Variants in DTD1 observed in about 807,000 individuals in gnomAD.
DTD1 encodes D-tyrosyl-tRNA deacylase 1 homolog.
In DTD1, 13 loss-of-function variants were observed where a neutral mutation model predicts 25.6. The observed-to-expected ratio is 0.51, with a 90% CI of 0.33 to 0.81. The LOEUF (loss-of-function observed/expected upper bound fraction) is 0.81. Ranked by LOEUF, DTD1 falls within the 30% of genes least tolerant of loss-of-function variation. The pLI is 0.02. For synonymous variants in DTD1, 110 were observed against 103.6 expected (o/e 1.06, Z -0.37); for missense variants, 193 against 266.4 (o/e 0.72, Z 1.92).
chr20:18,608,369 A>AT (rs34079729), intron 3 of DTD1, among the ~76,000 whole-genome samples: 49 of 125,548 alleles, frequency 3.9e-4, no homozygotes, highest in South Asian at 1.5e-3. Flanking sequence ...TTTGTGCTCT[A>AT]TTTTTTTTTT....
At chr20:18,615,878 T>G (rs1447359391) in intron 3 of DTD1, among the ~76,000 whole-genome samples, 1 of 152,206 alleles carries the variant, frequency 6.6e-6, no homozygotes, top group Non-Finnish European at 1.5e-5. Context: ...CGCTTCATAA[T>G]GCAAAGAGAA....
rs2061313211 is a variant in DTD1 at position 18,749,343 on chromosome 20, G to A, written c.*19+5072G>A. ...CTGCTCAGCATCGCCGTGGGGTGGG[G>A]AAGGCTCCAGAGGGTGTTCTCTGCC... is the stretch of plus-strand genomic sequence containing the variant. On this transcript the variant is annotated intron_variant, in intron 5 of 5. Coordinates refer to ENST00000377452, the MANE Select transcript of DTD1 (RefSeq NM_080820.6). The surrounding 1 kb of genome is among the most constrained non-coding windows in gnomAD (Gnocchi z 4.2). Among the ~76,000 whole-genome samples, 1 of 152,196 alleles carries A rather than the reference G, an allele frequency of 6.6e-6. No individual in the cohort carries two copies. The highest frequency in any genetic ancestry group is 2.4e-5 in the African/African-American group (1 of 41,462).
chr20:18,654,436 A>G (rs2060884978), intron 4 of DTD1, among the ~76,000 whole-genome samples: 1 of 152,236 alleles, frequency 6.6e-6, no homozygotes, highest in East Asian at 1.9e-4. Flanking sequence ...GTATTTCTTT[A>G]TAGCAGTATG....
intron 3 of DTD1, among the ~76,000 whole-genome samples, chr20:18,608,376 T>G (rs2060671181): frequency 1.5e-5 from 2 of 134,694 alleles, no homozygotes; most frequent in African/African-American, 5.3e-5. Flanking sequence ...TCTATTTTTT[T>G]TTTTTAAAAA....
chr20:18,694,333 T>C (rs2061061426), intron 4 of DTD1, among the ~76,000 whole-genome samples: 1 of 152,200 alleles, frequency 6.6e-6, no homozygotes, highest in African/African-American at 2.4e-5. Flanking sequence ...AAGCATCATA[T>C]TTTACAAATG....
chr20:18,722,942 GA>G (rs1194535829), intron 4 of DTD1, among the ~76,000 whole-genome samples: 1 of 151,906 alleles, frequency 6.6e-6, no homozygotes, highest in African/African-American at 2.4e-5. Context: ...ATAAGAGAGG[GA>G]AAAAAGACAA....
intron 4 of DTD1, among the ~76,000 whole-genome samples, chr20:18,683,217 CCA>C (rs2061004127): frequency 1.3e-5 from 2 of 152,104 alleles, no homozygotes; most frequent in South Asian, 4.1e-4. Flanking sequence ...TCAGGTGGTT[CCA>C]AAGTTGGCCC....
At chr20:18,668,140 A>C (rs1463535011) in intron 4 of DTD1, among the ~76,000 whole-genome samples, 1 of 152,114 alleles carries the variant, frequency 6.6e-6, no homozygotes, top group Non-Finnish European at 1.5e-5. Context: ...AGAACAACAT[A>C]TGTTTGTCCA....
At chr20:18,607,297 G>T (rs893043018) in intron 3 of DTD1, among the ~76,000 whole-genome samples, 1 of 152,034 alleles carries the variant, frequency 6.6e-6, no homozygotes, top group Non-Finnish European at 1.5e-5. Context: ...GAGTAGCTGG[G>T]ATCCAGGTGT....
chr20:18,619,756 C>T (rs566482229), intron 3 of DTD1, among the ~76,000 whole-genome samples: 2 of 152,124 alleles, frequency 1.3e-5, no homozygotes, highest in Non-Finnish European at 2.9e-5. Flanking sequence ...TCATTTTTTA[C>T]TTTGAAATCT....
chr20:18,621,216 T>C (rs1022894860), intron 3 of DTD1, among the ~76,000 whole-genome samples: 4 of 152,190 alleles, frequency 2.6e-5, no homozygotes, highest in Non-Finnish European at 5.9e-5. Context: ...GAAGAGTCAC[T>C]CATTTTGTCA....
At chr20:18,703,303 C>T (rs1251127905) in intron 4 of DTD1, among the ~76,000 whole-genome samples, 10 of 152,030 alleles carry the variant, frequency 6.6e-5, no homozygotes, top group Non-Finnish European at 7.4e-5. Flanking sequence ...TTTTTTCCTT[C>T]TGGGTCGTGT....
At chr20:18,733,897 C>T (rs1424685538) in intron 4 of DTD1, among the ~76,000 whole-genome samples, 1 of 152,172 alleles carries the variant, frequency 6.6e-6, no homozygotes, top group African/African-American at 2.4e-5. Flanking sequence ...TGCAATGCCA[C>T]CACTGACATA....
chr20:18,683,810 G>A (rs922575015), intron 4 of DTD1, among the ~76,000 whole-genome samples: 7 of 152,300 alleles, frequency 4.6e-5, no homozygotes, highest in African/African-American at 1.4e-4. Flanking sequence ...CTGACTGGGC[G>A]CCGTGCTTCT....
chr20:18,694,030 C>T (rs933676709), intron 4 of DTD1, among the ~76,000 whole-genome samples: 5 of 152,168 alleles, frequency 3.3e-5, no homozygotes, highest in Non-Finnish European at 5.9e-5. Context: ...AAGTCTCCAT[C>T]GCATTGAAGG....
At chr20:18,608,028 T>A (rs1291494593) in intron 3 of DTD1, among the ~76,000 whole-genome samples, 2 of 152,206 alleles carry the variant, frequency 1.3e-5, no homozygotes, top group Non-Finnish European at 2.9e-5. Context: ...TATTTCTTCT[T>A]GTGAGAGTTT....
intron 4 of DTD1, among the ~76,000 whole-genome samples, chr20:18,725,666 C>G (rs1014607037): frequency 6.6e-6 from 1 of 152,102 alleles, no homozygotes; most frequent in Non-Finnish European, 1.5e-5. Context: ...CCGAGGTGTT[C>G]CTGGGCTGGG....
intron 3 of DTD1, among the ~76,000 whole-genome samples, chr20:18,599,926 T>A (rs1015558918): frequency 1.3e-5 from 2 of 152,236 alleles, no homozygotes; most frequent in Non-Finnish European, 2.9e-5. Flanking sequence ...TTATCAGATA[T>A]GTCTTTTGCA....
chr20:18,669,281 C>T lies in DTD1; in HGVS notation c.477+41048C>T, dbSNP rs974284977. On this transcript the variant is annotated intron_variant, in intron 4 of 5. Coordinates refer to ENST00000377452, the MANE Select transcript of DTD1 (RefSeq NM_080820.6). The stretch of plus-strand genomic sequence containing the variant: ...GAGTCAGGGTTTGCCAGCAGGGTCC[C>T]CTCCCACTGGTCAAGGGTCTGCCCT... Among the ~76,000 whole-genome samples the T allele has an allele frequency of 7.9e-5, 12 of 152,242 alleles. No homozygotes were observed. The East Asian group carries it at 1.7e-3, about 22-fold the overall frequency.
Sources: gnomAD v4.1 joint callset for allele counts (sites outside exome capture counted in the v4.1 genomes callset) on GRCh38, gnomAD v4.1.1 for gene constraint, Gnocchi (gnomAD v3.1) non-coding constraint, MANE v1.5 for transcripts, NCBI Gene and HGNC (gene_info 2026-07-23, HGNC 2026-07-21) for gene names.